Variants in NAALADL2 observed in about 807,000 individuals in gnomAD.
NAALADL2 encodes the protein inactive N-acetylated-alpha-linked acidic dipeptidase-like protein 2.
NAALADL2 carries 76 observed loss-of-function variants against 87.2 expected under a neutral mutation model. The observed-to-expected ratio is 0.87, with a 90% confidence interval of 0.72 to 1.05. The LOEUF (loss-of-function observed/expected upper bound fraction) is 1.05, where lower values mean the gene tolerates loss of function less well. Among genes scored for constraint, NAALADL2 ranks in the 50% least tolerant of loss-of-function variants. The pLI, the probability that NAALADL2 is intolerant of heterozygous loss-of-function variation, is 0.00. For synonymous variants in NAALADL2, 354 were observed against 331.0 expected (o/e 1.07, Z -0.75); for missense variants, 1,089 against 945.8 (o/e 1.15, Z -1.99).
chr3:174,591,661 G>A (rs146050598), intron 2 of NAALADL2, among the ~76,000 whole-genome samples: 3 of 152,248 alleles, frequency 2.0e-5, no homozygotes, highest in Non-Finnish European at 4.4e-5. Flanking sequence ...ACTATCTAAA[G>A]ACTTGCCATA....
At chr3:175,707,348 G>A (rs1403919219) in intron 11 of NAALADL2, among the ~76,000 whole-genome samples, 2 of 152,006 alleles carry the variant, frequency 1.3e-5, no homozygotes, top group African/African-American at 4.8e-5. Flanking sequence ...ATGAAATATT[G>A]TTCTTTTTAA....
intron 2 of NAALADL2, among the ~76,000 whole-genome samples, chr3:175,136,973 G>T (rs1179949391): frequency 6.6e-6 from 1 of 152,160 alleles, no homozygotes; most frequent in African/African-American, 2.4e-5. Context: ...ATACACTTCT[G>T]TGTTATAGAA....
In NAALADL2 at chr3:175,714,251, T is replaced by C. The variant is rs536213141; in HGVS notation, c.1897-23055T>C. 1.1e-4 allele frequency among the ~76,000 whole-genome samples: 17 copies of C among 152,304 alleles called. No individual in the cohort carries two copies. In the East Asian group the frequency reaches 2.9e-3, roughly 26 times the overall value. ...AATCCTTTGGGTATATACCCAGTTA[T>C]GGGATTGCTGGGTCAAATGGTATTT... On this transcript the variant is annotated intron_variant, in intron 11 of 13. Coordinates refer to ENST00000454872, the MANE Select transcript of NAALADL2 (RefSeq NM_207015.3).
chr3:175,218,351 A>G (rs1448260599), intron 2 of NAALADL2, among the ~76,000 whole-genome samples: 2 of 152,208 alleles, frequency 1.3e-5, no homozygotes, highest in African/African-American at 4.8e-5. Context: ...TGTCCATCAC[A>G]TTATGAAAAA....
chr3:174,929,844 T>C (rs1030663339), intron 1 of NAALADL2, among the ~76,000 whole-genome samples: 6 of 152,198 alleles, frequency 3.9e-5, no homozygotes, highest in Admixed American at 3.9e-4. Flanking sequence ...TTAACATTTC[T>C]ATAAGATTTC....
At chr3:175,500,452 GT>G (rs1460942668) in intron 9 of NAALADL2, among the ~76,000 whole-genome samples, 1 of 151,850 alleles carries the variant, frequency 6.6e-6, no homozygotes, top group African/African-American at 2.4e-5. Flanking sequence ...AGAGAGGTTT[GT>G]TTGCTTAGGG....
intron 3 of NAALADL2, among the ~76,000 whole-genome samples, chr3:174,797,972 G>C (rs1560234781): frequency 6.6e-6 from 1 of 152,064 alleles, no homozygotes; most frequent in African/African-American, 2.4e-5. Context: ...ATGTATCTAA[G>C]AGTTTTATAG....
intron 1 of NAALADL2, among the ~76,000 whole-genome samples, chr3:174,528,727 A>T (rs1720978940): frequency 6.6e-6 from 1 of 152,212 alleles, no homozygotes; most frequent in Admixed American, 6.5e-5. Flanking sequence ...GTGGAAGGTG[A>T]AAGGCACGTC....
intron 11 of NAALADL2, among the ~76,000 whole-genome samples, chr3:175,723,877 T>A (rs527518095): frequency 2.6e-5 from 4 of 152,208 alleles, no homozygotes; most frequent in African/African-American, 7.2e-5. Context: ...CTCTCTAAAT[T>A]GTATCCTTCC....
At chr3:175,253,938 C>G (rs911759606) in intron 3 of NAALADL2, among the ~76,000 whole-genome samples, 1 of 152,040 alleles carries the variant, frequency 6.6e-6, no homozygotes, top group Non-Finnish European at 1.5e-5. Context: ...GGATGAATAA[C>G]GAAAGTGGTT....
At chr3:175,429,316 C>T (rs933995514) in intron 5 of NAALADL2, among the ~76,000 whole-genome samples, 1 of 151,736 alleles carries the variant, frequency 6.6e-6, no homozygotes, top group African/African-American at 2.4e-5. Flanking sequence ...TTACCTTGCT[C>T]TTAAAGACAA....
intron 1 of NAALADL2, among the ~76,000 whole-genome samples, chr3:174,965,086 C>A (rs1742678049): frequency 2.0e-5 from 3 of 152,154 alleles, no homozygotes; most frequent in Admixed American, 2.0e-4. Flanking sequence ...CAGGGTTTCT[C>A]ATGAGGTAGC....
chr3:174,816,731 A>G lies in NAALADL2; in HGVS notation c.-9+78985A>G, dbSNP rs1228922505. Among the ~76,000 whole-genome samples the G allele has an allele frequency of 3.3e-5, 5 of 151,994 alleles. No individual in the cohort carries two copies. In the East Asian group the frequency reaches 7.7e-4, roughly 23 times the overall value. Reference sequence around the variant, plus strand: ...TCCCAAACTCATATTCTTAACTACTATTTATTAAGTCCTTCTTGCTTTTGT... The same window carrying G: ...TCCCAAACTCATATTCTTAACTACTGTTTATTAAGTCCTTCTTGCTTTTGT... On this transcript the variant is annotated intron_variant, in intron 3 of 3. Transcript: ENST00000434257.
chr3:174,604,017 G>T (rs896436707), intron 2 of NAALADL2, among the ~76,000 whole-genome samples: 1 of 152,074 alleles, frequency 6.6e-6, no homozygotes, highest in Non-Finnish European at 1.5e-5. Flanking sequence ...AAGTGCTGTG[G>T]AAAAGAGTGT....
At chr3:174,758,780 G>A (rs1408935572) in intron 3 of NAALADL2, among the ~76,000 whole-genome samples, 1 of 152,166 alleles carries the variant, frequency 6.6e-6, no homozygotes, top group Non-Finnish European at 1.5e-5. Context: ...AATGTTCTTT[G>A]TCTAGGATGG....
chr3:174,972,415 T>C (rs1383029822), intron 1 of NAALADL2, among the ~76,000 whole-genome samples: 3 of 152,176 alleles, frequency 2.0e-5, no homozygotes, highest in Non-Finnish European at 4.4e-5. Flanking sequence ...TCAGTAGGTT[T>C]TGTTTCTCCT....
At position 175,658,456 on chromosome 3, in the gene NAALADL2, C is replaced by CT. The variant is rs201683396; in HGVS notation, c.1896+31079dup. 7.1e-3 allele frequency among the ~76,000 whole-genome samples: 1,080 copies of CT among 151,178 alleles called. 15 individuals are homozygous for CT. Among genetic ancestry groups the CT allele is most frequent in the African/African-American group, 0.02 (837 of 41,198 alleles). ...GAAACTCCGATACTACCTTGAAGGG[C>CT]TTTTTTTTTCTGTTCAGCAGAGATT... On this transcript the variant is annotated intron_variant, in intron 11 of 13. Coordinates refer to ENST00000454872, the MANE Select transcript of NAALADL2 (RefSeq NM_207015.3).
intron 1 of NAALADL2, among the ~76,000 whole-genome samples, chr3:174,981,749 G>A (rs934436356): frequency 6.6e-6 from 1 of 152,038 alleles, no homozygotes; most frequent in Non-Finnish European, 1.5e-5. Flanking sequence ...AGGCAGTACA[G>A]TGTCAGTTGG....
intron 2 of NAALADL2, among the ~76,000 whole-genome samples, chr3:174,611,613 A>G (rs1471081367): frequency 2.0e-5 from 3 of 151,872 alleles, no homozygotes; most frequent in Non-Finnish European, 4.4e-5. Flanking sequence ...CTTTTTTGAG[A>G]CGGAGTCTTG....
Sources: allele counts gnomAD v4.1 joint callset (sites outside exome capture counted in the v4.1 genomes callset), GRCh38; gene constraint gnomAD v4.1.1; transcripts MANE v1.5; gene names NCBI Gene and HGNC (gene_info 2026-07-23, HGNC 2026-07-21).